DAB1: variants seen among roughly 807,000 people sequenced by gnomAD.
DAB1 encodes DAB adaptor protein 1.
Under a neutral mutation model 64.6 loss-of-function variants are expected in DAB1, and 15 were observed. The ratio of observed to expected loss-of-function variants is 0.23; its 90% CI spans 0.16 to 0.36. DAB1 has a LOEUF of 0.36. DAB1 is among the 10% of genes least tolerant of loss of function. DAB1 has a pLI of 1.00. For missense variants in DAB1, 596 were observed against 706.7 expected, an observed-to-expected ratio of 0.84 and a Z score of 1.78; for synonymous variants, 235 against 251.9, an observed-to-expected ratio of 0.93 and a Z score of 0.64.
At chr1:57,952,929 G>T (rs190118546) in intron 5 of DAB1, among the ~76,000 whole-genome samples, 1 of 152,090 alleles carries the variant, frequency 6.6e-6, no homozygotes, top group Non-Finnish European at 1.5e-5. Flanking sequence ...GACTTGCACC[G>T]ATCATAATCA....
chr1:57,070,107 G>A (rs771981003), intron 7 of DAB1, among the ~76,000 whole-genome samples: 2 of 152,090 alleles, frequency 1.3e-5, no homozygotes, highest in South Asian at 2.1e-4. Flanking sequence ...TTTGTTTGCC[G>A]TATACATGAG....
intron 6 of DAB1, among the ~76,000 whole-genome samples, chr1:57,792,006 G>A (rs1482356714): frequency 6.6e-6 from 1 of 152,100 alleles, no homozygotes; most frequent in Non-Finnish European, 1.5e-5. Context: ...CAGTCACTAA[G>A]GCAAAGACTT....
At chr1:58,545,891 G>A (rs922611393) in intron 1 of DAB1, among the ~76,000 whole-genome samples, 7 of 152,176 alleles carry the variant, frequency 4.6e-5, no homozygotes, top group African/African-American at 1.7e-4. Context: ...CAGCAGACTT[G>A]GTTCTTAAGC....
chr1:58,394,182 A>G (rs1425185741), intron 3 of DAB1, among the ~76,000 whole-genome samples: 1 of 152,228 alleles, frequency 6.6e-6, no homozygotes, highest in African/African-American at 2.4e-5. Context: ...TGATTGCACC[A>G]TAGCATGGTT....
chr1:58,310,791 T>C (rs778807427), intron 4 of DAB1, among the ~76,000 whole-genome samples: 1 of 152,106 alleles, frequency 6.6e-6, no homozygotes, highest in Non-Finnish European at 1.5e-5. Context: ...TCCTTACATA[T>C]ACCAATATTC....
intron 2 of DAB1, among the ~76,000 whole-genome samples, chr1:57,273,522 A>ACTGCCTGCCTGCCTGC (rs1261991604): frequency 2.1e-5 from 2 of 96,974 alleles, no homozygotes; most frequent in Admixed American, 2.1e-4. Flanking sequence ...ACCAAGCCTG[A>ACTGCCTGCCTGCCTGC]CTGCCTGCCT....
intron 4 of DAB1, among the ~76,000 whole-genome samples, chr1:57,095,739 G>C (rs1048940473): frequency 3.3e-5 from 5 of 152,066 alleles, no homozygotes; most frequent in African/African-American, 1.2e-4. Context: ...AGGTGAGTAG[G>C]GTTAAATAAC....
At chr1:57,863,865 T>C (rs1654177663) in intron 1 of DAB1, among the ~76,000 whole-genome samples, 1 of 152,202 alleles carries the variant, frequency 6.6e-6, no homozygotes, top group Non-Finnish European at 1.5e-5. Context: ...TCACATGTGA[T>C]ACAATCATCA....
chr1:58,478,123 G>C (rs1018461866), intron 3 of DAB1, among the ~76,000 whole-genome samples: 8 of 152,040 alleles, frequency 5.3e-5, no homozygotes, highest in African/African-American at 1.9e-4. Context: ...TTGAATCATG[G>C]GGGCAGTTTC....
downstream of DAB1, among the ~76,000 whole-genome samples, chr1:57,822,345 A>G (rs957500615): frequency 3.9e-5 from 6 of 152,160 alleles, no homozygotes; most frequent in African/African-American, 1.4e-4. Context: ...TAAAGACCAC[A>G]GAGAAGAGGG....
chr1:58,429,973 T>C (rs550703861), intron 3 of DAB1, among the ~76,000 whole-genome samples: 1 of 152,196 alleles, frequency 6.6e-6, no homozygotes, highest in Non-Finnish European at 1.5e-5. Context: ...ATCCCCCAGG[T>C]CTTGTCAATG....
In DAB1 at chr1:58,373,766, G is replaced by A. The variant is rs973635424; in HGVS notation, n.258-30363C>T. ...AAGGAATTGCCACACTGACTTCCAC[G>A]ATGGTTCAACTAGTTTACAGTCCCA... On this transcript the variant is annotated intron_variant and non_coding_transcript_variant, in intron 3 of 20. Transcript: ENST00000485760. Among the ~76,000 whole-genome samples the A allele has an allele frequency of 6.0e-3, 914 of 151,678 alleles. 10 individuals carry two copies. Among genetic ancestry groups the A allele is most frequent in the African/African-American group, 0.021 (885 of 41,312 alleles).
At chr1:58,337,988 C>CTATAGATA (rs140088021) in intron 4 of DAB1, among the ~76,000 whole-genome samples, 2 of 149,616 alleles carry the variant, frequency 1.3e-5, no homozygotes, top group African/African-American at 4.9e-5. Flanking sequence ...GTTTTTTCCA[C>CTATAGATA]TATATATATA....
At chr1:58,102,798 A>T (rs1261236187) in intron 5 of DAB1, among the ~76,000 whole-genome samples, 1 of 152,224 alleles carries the variant, frequency 6.6e-6, no homozygotes, top group Non-Finnish European at 1.5e-5. Context: ...AATCATTTTC[A>T]CATTGTCTGA....
rs147879180 is a variant in DAB1, at chr1:58,051,316, G to A, written n.387+99195C>T. On this transcript the variant is annotated intron_variant and non_coding_transcript_variant, in intron 5 of 20. Transcript: ENST00000485760. ...ATGTGGTGTTTGGTTTTCTGTCCTT[G>A]TGATAGTTTGCTCAGAATGATGGTT... Among the ~76,000 whole-genome samples the A allele has an allele frequency of 8.1e-3, 1,233 of 151,758 alleles. 11 individuals carry two copies. Among genetic ancestry groups the A allele is most frequent in the African/African-American group, 0.029 (1,185 of 41,348 alleles).
At chr1:58,456,417 T>A (rs1171655221) in intron 3 of DAB1, among the ~76,000 whole-genome samples, 1 of 151,986 alleles carries the variant, frequency 6.6e-6, no homozygotes, top group East Asian at 1.9e-4. Context: ...ATGAAGTAGG[T>A]TCTTTGTAAG....
At chr1:58,269,243 C>G (rs543120611) in intron 4 of DAB1, among the ~76,000 whole-genome samples, 4 of 150,660 alleles carry the variant, frequency 2.7e-5, no homozygotes, top group Non-Finnish European at 5.9e-5. Flanking sequence ...CAATTCCCAC[C>G]TATGAGTGAG....
At chr1:57,073,062 C>A (rs1043649748) in intron 4 of DAB1, among the ~76,000 whole-genome samples, 26 of 152,146 alleles carry the variant, frequency 1.7e-4, no homozygotes, top group African/African-American at 6.3e-4. Flanking sequence ...TTTCAATGGC[C>A]GTATGAAATA....
intron 2 of DAB1, among the ~76,000 whole-genome samples, chr1:57,257,050 C>T (rs1232342118): frequency 6.6e-6 from 1 of 152,244 alleles, no homozygotes; most frequent in African/African-American, 2.4e-5. Context: ...GAGTTTCCTT[C>T]ACTGACAATC....
Sources: gnomAD v4.1 joint callset for allele counts (sites outside exome capture counted in the v4.1 genomes callset) on GRCh38, gnomAD v4.1.1 for gene constraint, MANE v1.5 for transcripts, NCBI Gene and HGNC (gene_info 2026-07-23, HGNC 2026-07-21) for gene names.